Variants in BPIFC observed in about 807,000 individuals in gnomAD.
BPIFC encodes the protein BPI fold containing family C, also known as BPI fold-containing family C protein.
BPIFC carries 60 observed loss-of-function variants against 57.6 expected under a neutral mutation model. The ratio of observed to expected loss-of-function variants is 1.04; its 90% CI spans 0.85 to 1.29. BPIFC has a LOEUF of 1.29. Among genes scored for constraint, BPIFC ranks in the 50% most tolerant of loss-of-function variants. The pLI is 0.00. For synonymous variants in BPIFC, 243 were observed against 224.5 expected, an observed-to-expected ratio of 1.08 and a Z score of -0.74; for missense variants, 581 against 600.5, an observed-to-expected ratio of 0.97 and a Z score of 0.34.
chr22:32,453,349 T>G, intron 4 of BPIFC, 34 bp downstream of exon 4: 1 of 1,487,124 alleles, frequency 6.7e-7, no homozygotes, highest in East Asian at 2.3e-5. Flanking sequence ...TTTGAGCTTC[T>G]TATAAGAGGC....
chr22:32,443,666 A>C (rs186536218), intron 7 of BPIFC, among the ~76,000 whole-genome samples: 1 of 152,364 alleles, frequency 6.6e-6, no homozygotes, highest in Admixed American at 6.5e-5. Context: ...TAGTGGGTAC[A>C]GCACAGGCTT....
chr22:32,453,346 T>G, intron 4 of BPIFC, 37 bp downstream of exon 4: 1 of 1,454,944 alleles, frequency 6.9e-7, no homozygotes, highest in Non-Finnish European at 9.3e-7. Flanking sequence ...TCCTTTGAGC[T>G]TCTTATAAGA....
intron 2 of BPIFC, among the ~76,000 whole-genome samples, chr22:32,461,023 A>T (rs146840433): frequency 5.3e-5 from 8 of 152,296 alleles, no homozygotes; most frequent in African/African-American, 1.7e-4. Flanking sequence ...TGTACTAGTA[A>T]ACTGCAGGCA....
At chr22:32,423,757 GA>G (rs141007704) in intron 13 of BPIFC, among the ~76,000 whole-genome samples, 2,794 of 152,058 alleles carry the variant, frequency 0.018, 33 homozygotes, top group African/African-American at 0.033. Context: ...ATGGGATTAA[GA>G]AAAGAGGGTT....
At position 32,447,326 on chromosome 22, in the gene BPIFC, G is replaced by A. The variant is rs1271751242; in HGVS notation, c.260C>T (p.Ala87Val). Reference sequence around the variant, plus strand: ...CAATGAGGTATTTGGAAATGAAAAGGCACTGATTTTTATACTGTAAAACCA... The same window carrying A: ...CAATGAGGTATTTGGAAATGAAAAGACACTGATTTTTATACTGTAAAACCA... ...NYNFSNIKIS[A>V]FSFPNTSLAF... is the part of the protein sequence containing the mutation. Residue 87 changes from alanine to valine, a missense_variant, in exon 5 of 17, where the codon GCC (alanine) becomes GTC (valine). Ala to Val is a moderately conservative substitution (Grantham distance 64). Coordinates refer to ENST00000300399, the MANE Select transcript of BPIFC (RefSeq NM_174932.3). 1.2e-6 allele frequency: 2 copies of A among 1,613,408 alleles called. No individual in the cohort carries two copies. The highest frequency in any genetic ancestry group is 1.1e-5 in the South Asian group (1 of 90,928).
intron 2 of BPIFC, among the ~76,000 whole-genome samples, chr22:32,461,156 G>C (rs1935151479): frequency 6.6e-6 from 1 of 152,144 alleles, no homozygotes; most frequent in Admixed American, 6.5e-5. Context: ...ACTGGGAATA[G>C]GAGGGGGACA....
Position 32,447,143 on chromosome 22 carries a change from A to G in BPIFC, c.374+69T>C, listed in dbSNP as rs538216356. On this transcript the variant is annotated intron_variant, in intron 5 of 16. Coordinates refer to ENST00000300399, the MANE Select transcript of BPIFC (RefSeq NM_174932.3). ...AGCCTATTGCCAAAAACATTGGTGA[A>G]TTTCTACATTTTCCGTTTTTGCTCA... 57 of 1,434,236 alleles carry G rather than the reference A, an allele frequency of 4.0e-5. No individual in the cohort carries two copies. In the African/African-American group the frequency reaches 6.7e-4, roughly 17 times the overall value. 88.8% of individuals were successfully genotyped at this position (1,434,236 alleles called of 1,614,324 possible).
chr22:32,432,269 T>A, intron 12 of BPIFC, 104 bp downstream of exon 12: 1 of 1,253,092 alleles, frequency 8.0e-7, no homozygotes, highest in Non-Finnish European at 1.1e-6. Flanking sequence ...TTAATCAATG[T>A]AGCATCCCCA....
At chr22:32,419,434 T>C in intron 13 of BPIFC, 30 bp from the exon 14 acceptor site, 1 of 1,601,290 alleles carries the variant, frequency 6.2e-7, no homozygotes, top group Non-Finnish European at 8.6e-7. Context: ...GTTTAAAGGA[T>C]TTGAAAACAA....
intron 8 of BPIFC, among the ~76,000 whole-genome samples, chr22:32,441,756 T>A (rs943203554): frequency 1.3e-5 from 2 of 152,106 alleles, no homozygotes. Flanking sequence ...GCACTCAATA[T>A]GTATCTGTTA....
chr22:32,428,143 TA>T (rs1043891487), intron 13 of BPIFC, among the ~76,000 whole-genome samples: 4 of 151,850 alleles, frequency 2.6e-5, no homozygotes, highest in Non-Finnish European at 4.4e-5. Flanking sequence ...TTTCTTCTGT[TA>T]AAAAAAATGA....
At chr22:32,447,691 G>C (rs1364929557) in intron 4 of BPIFC, among the ~76,000 whole-genome samples, 3 of 146,888 alleles carry the variant, frequency 2.0e-5, no homozygotes, top group Admixed American at 7.0e-5. Flanking sequence ...CTGCAGCCTC[G>C]AACTCCTGGG....
chr22:32,434,928 C>A (rs562165455), intron 10 of BPIFC, among the ~76,000 whole-genome samples: 13 of 152,124 alleles, frequency 8.5e-5, no homozygotes, highest in Non-Finnish European at 1.6e-4. Flanking sequence ...TATTACTGAT[C>A]ATTGTAGATA....
chr22:32,447,642 G>A (rs915167312), intron 4 of BPIFC, among the ~76,000 whole-genome samples: 1 of 115,358 alleles, frequency 8.7e-6, no homozygotes, highest in Non-Finnish European at 1.8e-5. Context: ...GGTCTCATTT[G>A]TCTCCCAGGT....
intron 9 of BPIFC, among the ~76,000 whole-genome samples, chr22:32,437,433 C>T (rs1934440181): frequency 6.6e-6 from 1 of 152,130 alleles, no homozygotes; most frequent in Non-Finnish European, 1.5e-5. Context: ...CTCTGTCACC[C>T]AGGCTGGAAT....
At chr22:32,448,753 C>T (rs1934803954) in intron 4 of BPIFC, among the ~76,000 whole-genome samples, 1 of 152,024 alleles carries the variant, frequency 6.6e-6, no homozygotes, top group Non-Finnish European at 1.5e-5. Flanking sequence ...GCCTGGCCAA[C>T]ATAGTGAAAC....
At chr22:32,416,974 T>G in intron 15 of BPIFC, 111 bp downstream of exon 15, 1 of 985,950 alleles carries the variant, frequency 1.0e-6, no homozygotes, top group South Asian at 1.3e-5. Flanking sequence ...GATAACATGA[T>G]AGAAGTACAA....
chr22:32,462,168 C>CAAAAAAAAAAAA (rs35716277), intron 1 of BPIFC, among the ~76,000 whole-genome samples: 8 of 53,608 alleles, frequency 1.5e-4, no homozygotes, highest in Non-Finnish European at 1.9e-4. Context: ...GACTCCATCT[C>CAAAAAAAAAAAA]AAAAAAAAAA....
chr22:32,464,303 A>G (rs1347467316), intron 1 of BPIFC, 71 bp downstream of exon 1: 2 of 737,870 alleles, frequency 2.7e-6, no homozygotes, highest in African/African-American at 1.9e-5. Context: ...AAAGTGTCCT[A>G]CCAAATCTGG....
Sources: gnomAD v4.1 joint callset for allele counts (sites outside exome capture counted in the v4.1 genomes callset) on GRCh38, gnomAD v4.1.1 for gene constraint, MANE v1.5 for transcripts, NCBI Gene and HGNC (gene_info 2026-07-23, HGNC 2026-07-21) for gene names.